Variants in PTPRD observed in about 807,000 individuals in gnomAD.
PTPRD encodes the protein protein tyrosine phosphatase receptor type D, also known as receptor-type tyrosine-protein phosphatase delta.
Under a neutral mutation model 214.5 loss-of-function variants are expected in PTPRD, and 34 were observed. The ratio of observed to expected loss-of-function variants is 0.16; its 90% CI spans 0.12 to 0.21. The LOEUF (loss-of-function observed/expected upper bound fraction) is 0.21, where lower values mean the gene tolerates loss of function less well. Among genes scored for constraint, PTPRD ranks in the 10% least tolerant of loss-of-function variants. The pLI is 1.00. For synonymous variants in PTPRD, 1,128 were observed against 845.7 expected, an observed-to-expected ratio of 1.33 and a Z score of -5.79; for missense variants, 2,545 against 2,398.7, an observed-to-expected ratio of 1.06 and a Z score of -1.27.
At chr9:9,164,565 G>T (rs914020579) in intron 10 of PTPRD, among the ~76,000 whole-genome samples, 4 of 151,960 alleles carry the variant, frequency 2.6e-5, no homozygotes, top group Non-Finnish European at 5.9e-5. Context: ...TTTCATACTT[G>T]TTTAAATGTT....
At chr9:9,252,861 T>C (rs1285930643) in intron 9 of PTPRD, among the ~76,000 whole-genome samples, 2 of 152,068 alleles carry the variant, frequency 1.3e-5, no homozygotes, top group Non-Finnish European at 2.9e-5. Flanking sequence ...AACCAGCCAA[T>C]CACACGCAAG....
rs547706588 is a variant in PTPRD, at chr9:9,788,441, G to A, written c.-367-21590C>T. 6.3e-4 allele frequency among the ~76,000 whole-genome samples: 95 copies of A among 151,122 alleles called. No homozygotes were observed. In the East Asian group the frequency reaches 0.018, roughly 28 times the overall value. The stretch of plus-strand genomic sequence containing the variant: ...GTGGCAGGCGCCTGTAGTCCCAGCT[G>A]CTGGGGAGGCTGAGGCAGGAGAATG... On this transcript the variant is annotated intron_variant, in intron 5 of 45. Transcript: ENST00000381196.
chr9:9,935,751 A>C (rs2153949854), intron 5 of PTPRD, among the ~76,000 whole-genome samples: 1 of 149,496 alleles, frequency 6.7e-6, no homozygotes, highest in Middle Eastern at 3.4e-3. Context: ...GGAACCAAAA[A>C]AAAAGCCCGC....
intron 3 of PTPRD, among the ~76,000 whole-genome samples, chr9:10,100,527 G>C (rs2154212836): frequency 6.6e-6 from 1 of 151,756 alleles, no homozygotes; most frequent in Middle Eastern, 3.4e-3. Context: ...CAGAGCCACT[G>C]GAAGTCATTT....
intron 35 of PTPRD, among the ~76,000 whole-genome samples, chr9:8,424,284 A>G (rs575199891): frequency 2.6e-5 from 4 of 152,294 alleles, no homozygotes; most frequent in African/African-American, 9.6e-5. Context: ...GTGAAAGGAA[A>G]TCAACTCTCA....
intron 44 of PTPRD, among the ~76,000 whole-genome samples, chr9:8,326,884 G>C (rs62533965): frequency 2.1e-5 from 3 of 140,308 alleles, no homozygotes; most frequent in Non-Finnish European, 4.7e-5. Flanking sequence ...GTTTGTATTT[G>C]TGTGGGATCA....
intron 10 of PTPRD, among the ~76,000 whole-genome samples, chr9:9,042,613 TC>T (rs1173673674): frequency 0.019 from 1,537 of 82,038 alleles, 39 homozygotes; most frequent in African/African-American, 0.056. Context: ...TTCTTTTTTT[TC>T]TTTTCTTTTT....
intron 10 of PTPRD, among the ~76,000 whole-genome samples, chr9:9,061,879 C>A (rs1290801327): frequency 6.6e-6 from 1 of 152,142 alleles, no homozygotes; most frequent in Non-Finnish European, 1.5e-5. Flanking sequence ...CAAATAATCC[C>A]CTTCAAACAG....
intron 3 of PTPRD, among the ~76,000 whole-genome samples, chr9:10,284,457 T>C (rs1264216086): frequency 3.9e-5 from 6 of 152,192 alleles, no homozygotes; most frequent in Non-Finnish European, 7.4e-5. Flanking sequence ...ATTATCAAAG[T>C]TGGAAAATGC....
At chr9:8,628,628 A>G (rs2096133130) in intron 14 of PTPRD, among the ~76,000 whole-genome samples, 2 of 151,262 alleles carry the variant, frequency 1.3e-5, no homozygotes, top group Admixed American at 6.6e-5. Context: ...AAAAAAAAAA[A>G]GAAACAGAAC....
At chr9:8,762,983 G>C (rs1027098596) in intron 11 of PTPRD, among the ~76,000 whole-genome samples, 2 of 152,074 alleles carry the variant, frequency 1.3e-5, no homozygotes. Flanking sequence ...CATTCTTCAG[G>C]CTATCCAATG....
intron 2 of PTPRD, among the ~76,000 whole-genome samples, chr9:10,403,641 T>C (rs571007079): frequency 1.3e-5 from 2 of 151,442 alleles, no homozygotes; most frequent in Non-Finnish European, 3.0e-5. Flanking sequence ...TTGTAGTACA[T>C]ACAGACCATG....
At chr9:9,660,319 G>T (rs950749906) in intron 7 of PTPRD, among the ~76,000 whole-genome samples, 1 of 151,982 alleles carries the variant, frequency 6.6e-6, no homozygotes. Context: ...GTGAAGAATA[G>T]ACTATAGGGA....
At chr9:9,323,402 A>G (rs1471632658) in intron 9 of PTPRD, among the ~76,000 whole-genome samples, 4 of 152,150 alleles carry the variant, frequency 2.6e-5, no homozygotes, top group East Asian at 1.9e-4. Context: ...TCCTAACCTT[A>G]AGGTTGAGAA....
chr9:9,715,865 T>C (rs1227269683), intron 7 of PTPRD, among the ~76,000 whole-genome samples: 1 of 152,140 alleles, frequency 6.6e-6, no homozygotes, highest in Admixed American at 6.6e-5. Context: ...TTATTATTAT[T>C]ATTATACTTT....
chr9:8,544,539 G>A (rs985873531), intron 14 of PTPRD, among the ~76,000 whole-genome samples: 3 of 145,504 alleles, frequency 2.1e-5, no homozygotes, highest in East Asian at 2.0e-4. Flanking sequence ...ACGTGATCTC[G>A]GTTCACTGCA....
intron 12 of PTPRD, among the ~76,000 whole-genome samples, chr9:8,642,412 A>T (rs1454142643): frequency 6.6e-6 from 1 of 152,170 alleles, no homozygotes; most frequent in Admixed American, 6.5e-5. Context: ...TAAAATTTTT[A>T]AAGGGGAAGG....
At chr9:10,099,219 T>C (rs1432772125) in intron 3 of PTPRD, among the ~76,000 whole-genome samples, 2 of 151,740 alleles carry the variant, frequency 1.3e-5, no homozygotes, top group African/African-American at 4.8e-5. Context: ...TCAGACTTCA[T>C]GGGTACAAAC....
intron 4 of PTPRD, among the ~76,000 whole-genome samples, chr9:9,941,667 G>T (rs180997829): frequency 6.6e-6 from 1 of 152,276 alleles, no homozygotes; most frequent in Non-Finnish European, 1.5e-5. Context: ...TAAGGAAAGG[G>T]TTCAGTAACT....
Sources: allele counts gnomAD v4.1 joint callset (sites outside exome capture counted in the v4.1 genomes callset), GRCh38; gene constraint gnomAD v4.1.1; transcripts MANE v1.5; gene names NCBI Gene and HGNC (gene_info 2026-07-23, HGNC 2026-07-21).